The following LDLRAD3 variants were observed in gnomAD, a reference collection of about 807,000 sequenced individuals.
LDLRAD3 encodes low density lipoprotein receptor class A domain containing 3, also known as low-density lipoprotein receptor class A domain-containing protein 3.
Under a neutral mutation model 29.4 loss-of-function variants are expected in LDLRAD3, and 20 were observed. That is an observed-to-expected ratio of 0.68 (90% CI 0.48 to 0.99). LDLRAD3 has a LOEUF of 0.99. LDLRAD3 is among the 50% of genes least tolerant of loss of function. The pLI is 0.00. For synonymous variants in LDLRAD3, 157 were observed against 192.7 expected, an observed-to-expected ratio of 0.81 and a Z score of 1.53; for missense variants, 420 against 454.3, an observed-to-expected ratio of 0.92 and a Z score of 0.69.
intron 4 of LDLRAD3, among the ~76,000 whole-genome samples, chr11:36,106,212 C>T (rs908488306): frequency 9.9e-5 from 15 of 152,162 alleles, no homozygotes; most frequent in African/African-American, 3.6e-4. Context: ...ACCTCCCAGC[C>T]TGTATTTCAA....
chr11:36,208,502 G>A (rs564080304), intron 4 of LDLRAD3, among the ~76,000 whole-genome samples: 62 of 152,304 alleles, frequency 4.1e-4, no homozygotes, highest in Non-Finnish European at 5.6e-4. Flanking sequence ...TGCCCCTTCC[G>A]TAAGTGCCCC....
chr11:36,229,110 CTT>C, intron 5 of LDLRAD3, 48 bp from the exon 6 acceptor site: 1 of 1,319,550 alleles, frequency 7.6e-7, no homozygotes, highest in Non-Finnish European at 1.1e-6. Flanking sequence ...AATGTGTTCT[CTT>C]CTCTTCCTGT....
intron 3 of LDLRAD3, among the ~76,000 whole-genome samples, chr11:36,083,309 G>A (rs1207962486): frequency 6.6e-6 from 1 of 152,038 alleles, no homozygotes; most frequent in Non-Finnish European, 1.5e-5. Context: ...TTCTGTGCTT[G>A]TCCTATTCAT....
chr11:35,975,522 A>G (rs546882332), intron 1 of LDLRAD3, among the ~76,000 whole-genome samples: 62 of 152,246 alleles, frequency 4.1e-4, no homozygotes, highest in African/African-American at 1.5e-3. Flanking sequence ...CAATTTTGTT[A>G]CCTACAGTTC....
chr11:36,023,681 G>A (rs756124410), intron 1 of LDLRAD3, among the ~76,000 whole-genome samples: 16 of 152,122 alleles, frequency 1.1e-4, no homozygotes, highest in Non-Finnish European at 2.2e-4. Context: ...GGACGATTAC[G>A]AGTCCACAGA....
At chr11:36,209,505 G>A (rs765551711) in intron 4 of LDLRAD3, among the ~76,000 whole-genome samples, 21 of 151,966 alleles carry the variant, frequency 1.4e-4, no homozygotes, top group South Asian at 1.0e-3. Flanking sequence ...GATTACAGGC[G>A]CATGCCAGCA....
intron 1 of LDLRAD3, among the ~76,000 whole-genome samples, chr11:36,030,450 G>A (rs1852222653): frequency 6.8e-6 from 1 of 148,124 alleles, no homozygotes; most frequent in South Asian, 2.1e-4. Flanking sequence ...GTGTGTGTGT[G>A]TGTGTGTGTG....
At chr11:35,998,352 T>C (rs1851781119) in intron 1 of LDLRAD3, among the ~76,000 whole-genome samples, 1 of 152,186 alleles carries the variant, frequency 6.6e-6, no homozygotes, top group African/African-American at 2.4e-5. Context: ...TAGTGGCCAA[T>C]GAACATTGGA....
intron 4 of LDLRAD3, among the ~76,000 whole-genome samples, chr11:36,218,095 T>C (rs1214500430): frequency 6.6e-6 from 1 of 152,218 alleles, no homozygotes; most frequent in Non-Finnish European, 1.5e-5. Context: ...CAGATATTAA[T>C]GAGAATAGGG....
chr11:35,945,928 C>T (rs1368123769), intron 1 of LDLRAD3, among the ~76,000 whole-genome samples: 5 of 152,132 alleles, frequency 3.3e-5, no homozygotes, highest in African/African-American at 1.2e-4. Flanking sequence ...AAGGAGCAGA[C>T]GGATAGGGGG....
intron 1 of LDLRAD3, among the ~76,000 whole-genome samples, chr11:35,971,130 T>A (rs1229816483): frequency 6.6e-6 from 1 of 152,212 alleles, no homozygotes; most frequent in Non-Finnish European, 1.5e-5. Flanking sequence ...CATTTCTTCC[T>A]GATCTCTCTA....
chr11:35,958,494 C>A (rs958619528), intron 1 of LDLRAD3, among the ~76,000 whole-genome samples: 1 of 152,188 alleles, frequency 6.6e-6, no homozygotes, highest in African/African-American at 2.4e-5. Context: ...TCCCCACTCA[C>A]TAAAAGCTAG....
At chr11:36,184,852 C>G (rs1402341408) in intron 4 of LDLRAD3, among the ~76,000 whole-genome samples, 1 of 152,168 alleles carries the variant, frequency 6.6e-6, no homozygotes, top group Non-Finnish European at 1.5e-5. Flanking sequence ...AGAGGGTCTC[C>G]TTTAGACTCT....
rs746087868 is a variant in LDLRAD3 at position 36,229,321 on chromosome 11, C to T, written c.962C>T (p.Pro321Leu). The T allele has an allele frequency of 9.3e-6, 15 of 1,613,984 alleles. No homozygotes were observed. Among genetic ancestry groups the T allele is most frequent in the South Asian group, 5.5e-5 (5 of 91,078 alleles). The change falls in exon 6 of 6, where the codon CCG (proline) becomes CTG (leucine). Residue 321 changes from proline to leucine, a missense_variant. Physicochemically the swap from Pro to Leu is moderately conservative, Grantham distance 98. Transcript: ENST00000315571. ...LLSVEDTSHS[P>L]GQPGPQEGTA... ...AGCGTGGAAGACACCAGCCACAGCCCGGGGCAGCCTGGCCCCCAGGAGGGC... is the reference window on the plus strand; with the variant it reads ...AGCGTGGAAGACACCAGCCACAGCCTGGGGCAGCCTGGCCCCCAGGAGGGC...
intron 4 of LDLRAD3, among the ~76,000 whole-genome samples, chr11:36,140,564 G>T (rs1255796158): frequency 6.6e-6 from 1 of 152,062 alleles, no homozygotes; most frequent in Admixed American, 6.6e-5. Flanking sequence ...GAGTAGCTGG[G>T]ACTACAGGTG....
intron 4 of LDLRAD3, among the ~76,000 whole-genome samples, chr11:36,119,504 G>GT (rs1179508210): frequency 7.8e-5 from 10 of 128,058 alleles, no homozygotes; most frequent in Admixed American, 6.8e-4. Flanking sequence ...TATTCTCTGT[G>GT]TTGTTTTTTT....
At chr11:36,216,223 C>T (rs928337570) in intron 4 of LDLRAD3, among the ~76,000 whole-genome samples, 1 of 152,202 alleles carries the variant, frequency 6.6e-6, no homozygotes, top group African/African-American at 2.4e-5. Context: ...CCAGAGCTTC[C>T]TCCAACAGCC....
At position 36,229,572 on chromosome 11, in the gene LDLRAD3, G is replaced by A. The variant is rs1855548441; in HGVS notation, c.*175G>A. The A allele has an allele frequency of 5.2e-6, 3 of 578,304 alleles. No individual in the cohort carries two copies. The highest frequency in any genetic ancestry group is 6.1e-6 in the Non-Finnish European group (2 of 325,256). 35.8% of individuals were successfully genotyped at this position (578,304 alleles called of 1,614,324 possible). Reference sequence around the variant, plus strand: ...CCCCAGACTTCAGAGATGTTTTTCTGGCGTCTCAGTTGACATGATCTGTTG... The same window carrying A: ...CCCCAGACTTCAGAGATGTTTTTCTAGCGTCTCAGTTGACATGATCTGTTG... On this transcript the variant is annotated 3_prime_UTR_variant, in exon 6 of 6. Coordinates refer to ENST00000315571, the MANE Select transcript of LDLRAD3 (RefSeq NM_174902.4).
At chr11:35,980,080 A>G (rs1032748952) in intron 1 of LDLRAD3, among the ~76,000 whole-genome samples, 1 of 152,222 alleles carries the variant, frequency 6.6e-6, no homozygotes, top group African/African-American at 2.4e-5. Context: ...AAGTATTTTT[A>G]TGAGATTTAT....
Sources: allele counts gnomAD v4.1 joint callset (sites outside exome capture counted in the v4.1 genomes callset), GRCh38; gene constraint gnomAD v4.1.1; transcripts MANE v1.5; gene names NCBI Gene and HGNC (gene_info 2026-07-23, HGNC 2026-07-21).